Variants in PSMD1 observed in about 807,000 individuals in gnomAD.
The protein encoded by PSMD1 is 26S proteasome non-ATPase regulatory subunit 1.
PSMD1 carries 18 observed loss-of-function variants against 119.0 expected under a neutral mutation model. The ratio of observed to expected loss-of-function variants is 0.15; its 90% CI spans 0.10 to 0.22. PSMD1 has a LOEUF of 0.22. Among genes scored for constraint, PSMD1 ranks in the 10% least tolerant of loss-of-function variants. PSMD1 has a pLI of 1.00. For missense variants in PSMD1, 702 were observed against 1,158.5 expected (o/e 0.61, Z 5.72); for synonymous variants, 374 against 396.6 (o/e 0.94, Z 0.68).
At chr2:231,077,346 G>T (rs554358538) in intron 9 of PSMD1, among the ~76,000 whole-genome samples, 184 bp downstream of exon 9, 7 of 152,268 alleles carry the variant, frequency 4.6e-5, no homozygotes, top group Non-Finnish European at 1.0e-4. Flanking sequence ...GGAAGAAAAT[G>T]AGCAATGATT....
chr2:231,095,248 C>G (rs1402803499), intron 16 of PSMD1, among the ~76,000 whole-genome samples: 1 of 152,064 alleles, frequency 6.6e-6, no homozygotes, highest in Non-Finnish European at 1.5e-5. Context: ...AGTAGTCATG[C>G]CCAAGGTGGG....
At chr2:231,107,642 C>A (rs925813212) in intron 16 of PSMD1, among the ~76,000 whole-genome samples, 4 of 152,112 alleles carry the variant, frequency 2.6e-5, no homozygotes, top group African/African-American at 9.7e-5. Flanking sequence ...TGAGATCTAA[C>A]AGTGCAAAAT....
intron 16 of PSMD1, among the ~76,000 whole-genome samples, chr2:231,101,393 T>C (rs1694863866): frequency 6.6e-6 from 1 of 152,190 alleles, no homozygotes; most frequent in African/African-American, 2.4e-5. Flanking sequence ...TTTTTATAAC[T>C]TTTCCCACCA....
At chr2:231,092,002 A>C (rs970467565) in intron 16 of PSMD1, among the ~76,000 whole-genome samples, 1 of 152,274 alleles carries the variant, frequency 6.6e-6, no homozygotes, top group Middle Eastern at 3.4e-3. Flanking sequence ...CTGCTCTAAG[A>C]GAAGTTCATT....
intron 16 of PSMD1, chr2:231,124,042 G>GGA: frequency 5.5e-6 from 2 of 364,682 alleles, no homozygotes; most frequent in Non-Finnish European, 1.0e-5. Context: ...GAAAAAAATA[G>GGA]GATATATATA....
chr2:231,080,960 T>G (rs1694295098), intron 12 of PSMD1, among the ~76,000 whole-genome samples: 1 of 151,952 alleles, frequency 6.6e-6, no homozygotes, highest in African/African-American at 2.4e-5. Context: ...CTGGCCAACA[T>G]GGTGAAACCC....
In PSMD1 at chr2:231,079,213, G is replaced by A. The variant is rs939741185; in HGVS notation, c.1161-323G>A. Among the ~76,000 whole-genome samples, 5 of 151,922 alleles carry A rather than the reference G, an allele frequency of 3.3e-5. No homozygotes were observed. The East Asian group carries it at 7.7e-4, about 23-fold the overall frequency. On this transcript the variant is annotated intron_variant, in intron 10 of 24. Transcript: ENST00000308696. Reference sequence around the variant, plus strand: ...TGCTATTTTATGTATTTTTTGTTGTGTATTTCTACTTGTTTTAAGGTAAAA... The same window carrying A: ...TGCTATTTTATGTATTTTTTGTTGTATATTTCTACTTGTTTTAAGGTAAAA...
rs1193319935 is a variant in PSMD1, at chr2:231,072,370, C to T, written c.836C>T (p.Pro279Leu). The part of the protein sequence containing the change: ...RTVGTPIASV[P>L]GSTNTGTVPG... Reference sequence around the variant, plus strand: ...GTTGGCACCCCTATTGCTTCTGTGCCTGGATCCACTAATACGGGTACTGTT... The same window carrying T: ...GTTGGCACCCCTATTGCTTCTGTGCTTGGATCCACTAATACGGGTACTGTT... The change falls in exon 7 of 25, where the codon CCT becomes CTT. Residue 279 changes from proline to leucine, a missense_variant. Transcript: ENST00000308696. 6.2e-7 allele frequency: 1 copy of T among 1,613,928 alleles called. No homozygotes were observed. Among genetic ancestry groups the T allele is most frequent in the Admixed American group, 1.7e-5 (1 of 60,032 alleles).
At chr2:231,074,003 C>T (rs1559219849) in intron 7 of PSMD1, among the ~76,000 whole-genome samples, 1 of 151,718 alleles carries the variant, frequency 6.6e-6, no homozygotes, top group Non-Finnish European at 1.5e-5. Context: ...ATACCTTTTC[C>T]CTCTCTTTTT....
At chr2:231,061,816 C>T (rs549578920) in intron 2 of PSMD1, among the ~76,000 whole-genome samples, 13 of 152,252 alleles carry the variant, frequency 8.5e-5, no homozygotes, top group Admixed American at 2.0e-4. Flanking sequence ...GTGATCCCCC[C>T]GCCTTGACCT....
chr2:231,075,282 G>T (rs551359868), intron 7 of PSMD1, among the ~76,000 whole-genome samples: 19 of 152,234 alleles, frequency 1.2e-4, no homozygotes, highest in African/African-American at 4.6e-4. Context: ...TGTTGTATTT[G>T]TTGTCCATGG....
intron 23 of PSMD1, among the ~76,000 whole-genome samples, chr2:231,166,477 G>C (rs1157278364): frequency 1.3e-5 from 2 of 150,834 alleles, no homozygotes; most frequent in East Asian, 1.9e-4. Context: ...TGCTCAATAA[G>C]TATTGATTAC....
intron 17 of PSMD1, among the ~76,000 whole-genome samples, chr2:231,141,421 CTTTTTTTT>C (rs34818750): frequency 9.6e-6 from 1 of 104,226 alleles, no homozygotes; most frequent in Non-Finnish European, 1.7e-5. Flanking sequence ...CCCTGCTATA[CTTTTTTTT>C]TTTTTTTTTT....
chr2:231,095,942 C>G (rs1269176655), intron 16 of PSMD1, among the ~76,000 whole-genome samples: 1 of 152,134 alleles, frequency 6.6e-6, no homozygotes, highest in Non-Finnish European at 1.5e-5. Flanking sequence ...AATTCATGGG[C>G]TCTTTGTAAT....
chr2:231,165,674 C>G (rs896504376), intron 22 of PSMD1, among the ~76,000 whole-genome samples, 197 bp from the exon 23 acceptor site: 1 of 151,954 alleles, frequency 6.6e-6, no homozygotes, highest in African/African-American at 2.4e-5. Context: ...CCTTTAAAAC[C>G]AAGTCAAATA....
chr2:231,134,544 C>T (rs142510722), intron 16 of PSMD1, among the ~76,000 whole-genome samples: 5 of 152,316 alleles, frequency 3.3e-5, no homozygotes, highest in African/African-American at 1.2e-4. Context: ...CTTCAGAAAG[C>T]TCTGATTCCT....
intron 18 of PSMD1, among the ~76,000 whole-genome samples, chr2:231,146,589 C>A (rs925718146): frequency 6.6e-6 from 1 of 152,138 alleles, no homozygotes; most frequent in Admixed American, 6.5e-5. Flanking sequence ...TATAACCATG[C>A]TTGAAAAATT....
chr2:231,082,609 G>A (rs1694337387), intron 12 of PSMD1, among the ~76,000 whole-genome samples: 1 of 152,192 alleles, frequency 6.6e-6, no homozygotes, highest in Admixed American at 6.5e-5. Context: ...AGAGGCTAAG[G>A]CAGGAGAATC....
intron 1 of PSMD1, among the ~76,000 whole-genome samples, chr2:231,058,385 T>A (rs1340932432): frequency 6.6e-6 from 1 of 152,370 alleles, no homozygotes; most frequent in African/African-American, 2.4e-5. Context: ...TTTAAAACTT[T>A]AATCACATAA....
Sources: gnomAD v4.1 joint callset for allele counts (sites outside exome capture counted in the v4.1 genomes callset) on GRCh38, gnomAD v4.1.1 for gene constraint, MANE v1.5 for transcripts, NCBI Gene and HGNC (gene_info 2026-07-23, HGNC 2026-07-21) for gene names.